The following ATP8B4 variants were observed in gnomAD, a reference collection of about 807,000 sequenced individuals.
ATP8B4 encodes probable phospholipid-transporting ATPase IM.
A neutral mutation model predicts 145.6 loss-of-function variants in ATP8B4; 133 were observed. The ratio of observed to expected loss-of-function variants is 0.91; its 90% CI spans 0.79 to 1.05. The LOEUF (loss-of-function observed/expected upper bound fraction) is 1.05. Among genes scored for constraint, ATP8B4 ranks in the 50% least tolerant of loss-of-function variants. The pLI is 0.00. For missense variants in ATP8B4, 1,458 were observed against 1,425.2 expected, an observed-to-expected ratio of 1.02 and a Z score of -0.37; for synonymous variants, 507 against 492.9, an observed-to-expected ratio of 1.03 and a Z score of -0.38.
At chr15:49,898,724 T>G (rs2037694193) in intron 21 of ATP8B4, among the ~76,000 whole-genome samples, 2 of 152,304 alleles carry the variant, frequency 1.3e-5, no homozygotes, top group Non-Finnish European at 2.9e-5. Context: ...ATTGTTAATG[T>G]GCAGGCAAAA....
chr15:50,125,428 C>T (rs1269685292), intron 1 of ATP8B4, among the ~76,000 whole-genome samples: 3 of 152,158 alleles, frequency 2.0e-5, no homozygotes, highest in Non-Finnish European at 4.4e-5. Flanking sequence ...GGTCCAAGAT[C>T]AAAGGAGTTC....
chr15:49,868,065 T>C (rs975713848), intron 25 of ATP8B4, among the ~76,000 whole-genome samples: 1 of 152,028 alleles, frequency 6.6e-6, no homozygotes, highest in African/African-American at 2.4e-5. Flanking sequence ...AATAGAAAAG[T>C]AACAATCAAA....
At chr15:49,985,386 G>A (rs368161593) in intron 10 of ATP8B4, among the ~76,000 whole-genome samples, 16 of 152,122 alleles carry the variant, frequency 1.1e-4, no homozygotes, top group African/African-American at 3.6e-4. Context: ...GTGAGCCACC[G>A]CGCCCAGCAG....
At chr15:50,098,641 A>G (rs1439206508) in intron 2 of ATP8B4, among the ~76,000 whole-genome samples, 1 of 152,058 alleles carries the variant, frequency 6.6e-6, no homozygotes, top group Non-Finnish European at 1.5e-5. Context: ...TACTCCCACT[A>G]AAAGCATATT....
chr15:49,949,273 C>A (rs1257660477), intron 14 of ATP8B4, among the ~76,000 whole-genome samples: 5 of 152,176 alleles, frequency 3.3e-5, no homozygotes, highest in Non-Finnish European at 7.4e-5. Context: ...TGGCCATTTT[C>A]ATGATATTGA....
chr15:49,864,038 C>G (rs1369747760), intron 26 of ATP8B4, among the ~76,000 whole-genome samples: 1 of 152,046 alleles, frequency 6.6e-6, no homozygotes, highest in Non-Finnish European at 1.5e-5. Context: ...TTTTGGCAAA[C>G]GATCTTAAAA....
intron 23 of ATP8B4, 37 bp downstream of exon 23, chr15:49,897,253 AAC>A: frequency 1.3e-6 from 2 of 1,535,416 alleles, no homozygotes; most frequent in Non-Finnish European, 8.9e-7. Context: ...TACAAAAACA[AAC>A]AAACAAACAA....
chr15:50,087,417 C>A (rs1449580013), intron 2 of ATP8B4, among the ~76,000 whole-genome samples: 1 of 143,876 alleles, frequency 7.0e-6, no homozygotes, highest in East Asian at 2.0e-4. Context: ...TTATATATTA[C>A]ATATCATATA....
chr15:49,922,311 C>A, intron 17 of ATP8B4: 1 of 349,218 alleles, frequency 2.9e-6, no homozygotes, highest in Non-Finnish European at 5.6e-6. Context: ...TATGAAAAAC[C>A]AGGGCCTTGG....
chr15:50,073,017 T>TATATATATATATAC (rs2053939455), intron 3 of ATP8B4, among the ~76,000 whole-genome samples: 4 of 31,642 alleles, frequency 1.3e-4, no homozygotes, highest in African/African-American at 6.0e-4. Flanking sequence ...TATATATATA[T>TATATATATATATAC]ATACACACAC....
At chr15:50,063,289 G>A (rs2053158084) in intron 3 of ATP8B4, among the ~76,000 whole-genome samples, 1 of 151,780 alleles carries the variant, frequency 6.6e-6, no homozygotes, top group Non-Finnish European at 1.5e-5. Flanking sequence ...TCATTGTGTT[G>A]TGCTCAGTAT....
intron 1 of ATP8B4, among the ~76,000 whole-genome samples, chr15:50,141,066 T>G (rs1470358000): frequency 6.6e-6 from 1 of 152,152 alleles, no homozygotes; most frequent in East Asian, 1.9e-4. Context: ...TGGTATGCTC[T>G]TGACCCGCAC....
intron 1 of ATP8B4, among the ~76,000 whole-genome samples, chr15:50,181,059 C>A (rs1290525459): frequency 6.6e-6 from 1 of 152,198 alleles, no homozygotes; most frequent in Non-Finnish European, 1.5e-5. Flanking sequence ...CCGGCTGTCT[C>A]AATTCACCTA....
intron 1 of ATP8B4, among the ~76,000 whole-genome samples, chr15:50,173,158 A>C (rs1202580300): frequency 1.3e-5 from 2 of 151,800 alleles, no homozygotes; most frequent in Non-Finnish European, 2.9e-5. Context: ...GGAAGTGAGG[A>C]GCCCCTCTGC....
chr15:50,036,476 G>T (rs530719968), intron 6 of ATP8B4, among the ~76,000 whole-genome samples: 150 of 152,282 alleles, frequency 9.9e-4, no homozygotes, highest in Non-Finnish European at 1.7e-3. Context: ...AGGAAGACAG[G>T]GAGATCTGGG....
At chr15:49,896,362 G>A (rs1479095719) in intron 23 of ATP8B4, 2 of 152,128 alleles carry the variant, frequency 1.3e-5, no homozygotes, top group Non-Finnish European at 2.9e-5. Context: ...ATTGTAAAAA[G>A]GAATTCACTA....
intron 1 of ATP8B4, among the ~76,000 whole-genome samples, chr15:50,173,589 G>C (rs2044720469): frequency 6.6e-6 from 1 of 152,058 alleles, no homozygotes; most frequent in African/African-American, 2.4e-5. Context: ...CCTCTGCCTA[G>C]GAAAACCAGA....
At chr15:49,955,657 G>A (rs1180515961) in intron 14 of ATP8B4, among the ~76,000 whole-genome samples, 1 of 152,172 alleles carries the variant, frequency 6.6e-6, no homozygotes, top group Non-Finnish European at 1.5e-5. Flanking sequence ...TAAGGGAAAT[G>A]TGATAGATAC....
chr15:50,003,552 A>AT (rs903461318), intron 7 of ATP8B4, among the ~76,000 whole-genome samples: 3 of 151,830 alleles, frequency 2.0e-5, no homozygotes, highest in African/African-American at 7.3e-5. Flanking sequence ...GGAAAAAAAA[A>AT]TTTTTTTTGA....
Sources: allele counts gnomAD v4.1 joint callset (sites outside exome capture counted in the v4.1 genomes callset), GRCh38; gene constraint gnomAD v4.1.1; transcripts MANE v1.5; gene names NCBI Gene and HGNC (gene_info 2026-07-23, HGNC 2026-07-21).